Variants in MARCHF2 observed in about 807,000 individuals in gnomAD.
MARCHF2 encodes the protein E3 ubiquitin-protein ligase MARCHF2.
Under a neutral mutation model 24.0 loss-of-function variants are expected in MARCHF2, and 22 were observed. The ratio of observed to expected loss-of-function variants is 0.92; its 90% CI spans 0.66 to 1.31. MARCHF2 has a LOEUF of 1.31. Among genes scored for constraint, MARCHF2 ranks in the 50% most tolerant of loss-of-function variants. The pLI is 0.00. For missense variants in MARCHF2, 301 were observed against 335.3 expected, an observed-to-expected ratio of 0.90 and a Z score of 0.80; for synonymous variants, 154 against 153.0, an observed-to-expected ratio of 1.01 and a Z score of -0.05.
In MARCHF2 at chr19:8,430,571, A is replaced by C; in HGVS notation, c.373-87A>C. ...AAAGAAAGAAGGAAAGGACAGAGGG[A>C]GGCCTAGGCCTGGAGGTCCTTACCC... is the stretch of plus-strand genomic sequence containing the variant. On this transcript the variant is annotated intron_variant, in intron 3 of 4. Coordinates refer to ENST00000215555, the MANE Select transcript of MARCHF2 (RefSeq NM_001005415.2). This position sits in a 1 kb window ranked among gnomAD's most constrained non-coding sequence, Gnocchi z 4.4. 1 of 970,322 alleles carries C rather than the reference A, an allele frequency of 1.0e-6. No individual in the cohort carries two copies. The highest frequency in any genetic ancestry group is 1.6e-6 in the Non-Finnish European group (1 of 634,826). 60.1% of individuals were successfully genotyped at this position (970,322 alleles called of 1,614,324 possible).
In MARCHF2 at chr19:8,428,679, A is replaced by AAAAC. The variant is rs1555693863; in HGVS notation, c.372+1878_372+1879insCAAA. 3.8e-4 allele frequency among the ~76,000 whole-genome samples: 49 copies of AAAAC among 128,378 alleles called. 3 individuals are homozygous for AAAAC. Among genetic ancestry groups the AAAAC allele is most frequent in the Admixed American group, 4.5e-4 (5 of 11,028 alleles). 84.2% of individuals were successfully genotyped at this position (128,378 alleles called of 152,430 possible). A position where few individuals can be genotyped will look rare whatever the true frequency, so the allele number is the denominator to read the frequency against. On this transcript the variant is annotated intron_variant, in intron 3 of 4. Transcript: ENST00000215555. Reference sequence around the variant, plus strand: ...AAAAAAAAAAAAAAAAAAAAAAAAAAAAAACCAAGGCTGGACGTGGTGGCT... The same window carrying AAAAC: ...AAAAAAAAAAAAAAAAAAAAAAAAAAAAACAAAACCAAGGCTGGACGTGGTGGCT...
chr19:8,414,041 T>A (rs759993169), intron 1 of MARCHF2, among the ~76,000 whole-genome samples: 2 of 152,102 alleles, frequency 1.3e-5, no homozygotes, highest in African/African-American at 2.4e-5. Flanking sequence ...AGAGCTGGGA[T>A]TGGAACCTTG....
In MARCHF2 at chr19:8,426,650, G is replaced by C. The variant is rs373043015; in HGVS notation, c.218G>C (p.Gly73Ala). The change falls in exon 3 of 5, where the codon GGG becomes GCG. Residue 73 changes from glycine (G) to alanine (A), a missense_variant. Gly to Ala is a moderately conservative substitution (Grantham distance 60). Transcript: ENST00000215555. ...FCRICHEGAN[G>A]ECLLSPCGCT... ...CGGATCTGCCATGAGGGAGCGAACG[G>C]GGAGTGCTTGCTGTCCCCGTGTGGC... 1.9e-6 allele frequency: 3 copies of C among 1,613,984 alleles called. No individual in the cohort carries two copies. The African/African-American group carries it at 4.0e-5, about 22-fold the overall frequency.
At chr19:8,428,136 T>G (rs1967461771) in intron 3 of MARCHF2, among the ~76,000 whole-genome samples, 1 of 152,134 alleles carries the variant, frequency 6.6e-6, no homozygotes, top group South Asian at 2.1e-4. Context: ...TGCAGGTGCC[T>G]ATAGTCCCAG....
rs528213192 is a variant in MARCHF2, at chr19:8,430,679, C to T, written c.394C>T (p.Arg132Trp). Reference protein sequence around the residue: ...LTEWLKDPGPRTEKRTLCCDM... With the variant: ...LTEWLKDPGPWTEKRTLCCDM... ...GCAGTGGCTGAAGGACCCGGGGCCG[C>T]GGACGGAGAAGCGGACACTGTGCTG... is the stretch of plus-strand genomic sequence containing the variant. Residue 132 changes from arginine (R) to tryptophan (W), a missense_variant, in exon 4 of 5, where the codon CGG becomes TGG. Physicochemically the swap from Arg to Trp is moderately radical, Grantham distance 101. Transcript: ENST00000215555. This position sits in a 1 kb window ranked among gnomAD's most constrained non-coding sequence, Gnocchi z 4.4. The T allele has an allele frequency of 1.5e-5, 24 of 1,609,282 alleles. No individual in the cohort carries two copies. The highest frequency in any genetic ancestry group is 1.1e-4 in the African/African-American group (8 of 75,004).
intron 1 of MARCHF2, among the ~76,000 whole-genome samples, chr19:8,415,023 G>T (rs991843612): frequency 6.6e-6 from 1 of 152,162 alleles, no homozygotes; most frequent in Non-Finnish European, 1.5e-5. Flanking sequence ...ATGACCTTGG[G>T]AAAGTAGGTG....
At position 8,426,794 on chromosome 19, in the gene MARCHF2, C is replaced by A; in HGVS notation, c.362C>A (p.Pro121His). ...TTTGCAGTGGAGAAACGGCCTCGAC[C>A]CCTCACAGAGGTACCCTTAAGAGTC... ...TEFAVEKRPRPLTEWLKDPGP... is the reference protein window; with the variant it reads ...TEFAVEKRPRHLTEWLKDPGP... The change falls in exon 3 of 5, where the codon CCC (proline) becomes CAC (histidine). Residue 121 changes from proline (P) to histidine (H), a missense_variant. Physicochemically the swap from Pro to His is moderately conservative, Grantham distance 77. Transcript: ENST00000215555. The A allele has an allele frequency of 6.2e-7, 1 of 1,612,000 alleles. No individual in the cohort carries two copies.
intron 1 of MARCHF2, among the ~76,000 whole-genome samples, chr19:8,420,590 A>G (rs1821588411): frequency 6.6e-6 from 1 of 150,902 alleles, no homozygotes; most frequent in African/African-American, 2.4e-5. Flanking sequence ...GAAAGGTGAT[A>G]TTAGTTGAAA....
In MARCHF2 at chr19:8,430,797, G is replaced by A. The variant is rs1181433709; in HGVS notation, c.512G>A (p.Ser171Asn). 6.2e-7 allele frequency: 1 copy of A among 1,610,964 alleles called. No homozygotes were observed. The highest frequency in any genetic ancestry group is 2.2e-5 in the East Asian group (1 of 44,878). Residue 171 changes from serine to asparagine, a missense_variant, in exon 4 of 5, where the codon AGC (serine) becomes AAC (asparagine). Ser to Asn is a conservative substitution (Grantham distance 46, BLOSUM62 1). Coordinates refer to ENST00000215555, the MANE Select transcript of MARCHF2 (RefSeq NM_001005415.2). The surrounding 1 kb of genome is among the most constrained non-coding windows in gnomAD (Gnocchi z 4.4). ...GCCCAGGACCACCTCCGGCTCCACA[G>A]CCAGCTGGAGGCCGTGGGTCTCATT... Reference protein sequence around the residue: ...RGAQDHLRLHSQLEAVGLIAL... With the variant: ...RGAQDHLRLHNQLEAVGLIAL...
At chr19:8,427,263 G>A (rs774561332) in intron 3 of MARCHF2, among the ~76,000 whole-genome samples, 12 of 151,854 alleles carry the variant, frequency 7.9e-5, no homozygotes, top group Non-Finnish European at 1.6e-4. Flanking sequence ...TGGCCAGGCT[G>A]GTCTCGAACT....
In MARCHF2 at chr19:8,438,511, C is replaced by A. The variant is rs1967792913; in HGVS notation, c.706C>A (p.Leu236Ile). The A allele has an allele frequency of 6.2e-7, 1 of 1,614,034 alleles. No individual in the cohort carries two copies. Among genetic ancestry groups the A allele is most frequent in the Non-Finnish European group, 8.5e-7 (1 of 1,180,040 alleles). The change falls in exon 5 of 5, where the codon CTC becomes ATC. Residue 236 changes from leucine (L) to isoleucine (I), a missense_variant. Coordinates refer to ENST00000215555, the MANE Select transcript of MARCHF2 (RefSeq NM_001005415.2). ...CCAGCATTCTCCACTGGCAGCTGGA[C>A]TCCTGAAGAAGGTGGCAGAGGAGAC... ...GPQHSPLAAG[L>I]LKKVAEETPV is the part of the protein sequence containing the mutation.
At chr19:8,436,309 A>G (rs1967720931) in intron 4 of MARCHF2, among the ~76,000 whole-genome samples, 1 of 151,562 alleles carries the variant, frequency 6.6e-6, no homozygotes, top group African/African-American at 2.4e-5. Context: ...TAATTTTTGT[A>G]TTCTTATTGG....
At chr19:8,431,113 A>G (rs967473569) in intron 4 of MARCHF2, among the ~76,000 whole-genome samples, 5 of 152,184 alleles carry the variant, frequency 3.3e-5, no homozygotes, top group African/African-American at 1.2e-4. Context: ...ACCCCCATCC[A>G]TGAACCCCCA....
chr19:8,424,128 G>A (rs976437029), intron 2 of MARCHF2, among the ~76,000 whole-genome samples: 7 of 152,164 alleles, frequency 4.6e-5, no homozygotes, highest in African/African-American at 1.7e-4. Flanking sequence ...ACTCATGGCT[G>A]TTTGGCCTCT....
intron 1 of MARCHF2, among the ~76,000 whole-genome samples, chr19:8,413,994 A>G (rs552015348): frequency 8.5e-5 from 13 of 152,164 alleles, no homozygotes; most frequent in Non-Finnish European, 1.6e-4. Context: ...CAAAGAGGTT[A>G]AGTGTCTTGC....
At chr19:8,417,748 C>CTTTT (rs71175853) in intron 1 of MARCHF2, among the ~76,000 whole-genome samples, 2 of 26,868 alleles carry the variant, frequency 7.4e-5, no homozygotes, top group African/African-American at 1.5e-4. Context: ...AATACCCTGT[C>CTTTT]TTTTTTTTTT....
intron 4 of MARCHF2, among the ~76,000 whole-genome samples, chr19:8,436,853 G>A (rs1391092896): frequency 6.6e-6 from 1 of 151,842 alleles, no homozygotes; most frequent in Non-Finnish European, 1.5e-5. Context: ...ACCATGCCTG[G>A]CTAATTTTGT....
At chr19:8,429,931 C>G (rs1239097216) in intron 3 of MARCHF2, among the ~76,000 whole-genome samples, 4 of 151,168 alleles carry the variant, frequency 2.6e-5, no homozygotes. Flanking sequence ...GGAACCCCAG[C>G]TTTGTGGACT....
rs375503291 is a variant in MARCHF2 at position 8,426,785 on chromosome 19, G to A, written c.353G>A (p.Arg118Gln). 4.3e-6 allele frequency: 7 copies of A among 1,612,138 alleles called. No homozygotes were observed. Among genetic ancestry groups the A allele is most frequent in the East Asian group, 2.2e-5 (1 of 44,870 alleles). ...CACACGGAGTTTGCAGTGGAGAAACGGCCTCGACCCCTCACAGAGGTACCC... is the reference window on the plus strand; with the variant it reads ...CACACGGAGTTTGCAGTGGAGAAACAGCCTCGACCCCTCACAGAGGTACCC... ...LCHTEFAVEKRPRPLTEWLKD... is the reference protein window; with the variant it reads ...LCHTEFAVEKQPRPLTEWLKD... Residue 118 changes from arginine to glutamine, a missense_variant, in exon 3 of 5, where the codon CGG (arginine) becomes CAG (glutamine). Transcript: ENST00000215555.
Sources: gnomAD v4.1 joint callset for allele counts (sites outside exome capture counted in the v4.1 genomes callset) on GRCh38, gnomAD v4.1.1 for gene constraint, Gnocchi (gnomAD v3.1) non-coding constraint, MANE v1.5 for transcripts, NCBI Gene and HGNC (gene_info 2026-07-23, HGNC 2026-07-21) for gene names.